The following PRF1 variants were observed in gnomAD, a reference collection of about 807,000 sequenced individuals.
The protein encoded by PRF1 is perforin 1.
A neutral mutation model predicts 11.7 loss-of-function variants in PRF1; 11 were observed. The ratio of observed to expected loss-of-function variants is 0.94; its 90% confidence interval spans 0.59 to 1.56. The LOEUF (loss-of-function observed/expected upper bound fraction) is 1.56, where lower values mean the gene tolerates loss of function less well. Ranked by LOEUF, PRF1 falls within the 40% of genes most tolerant of loss-of-function variation. The pLI, the probability that PRF1 is intolerant of heterozygous loss-of-function variation, is 0.00. For synonymous variants in PRF1, 314 were observed against 327.8 expected, an observed-to-expected ratio of 0.96 and a Z score of 0.45; for missense variants, 729 against 751.0, an observed-to-expected ratio of 0.97 and a Z score of 0.34.
intron 1 of PRF1, among the ~76,000 whole-genome samples, chr10:70,602,429 A>G (rs879323722): frequency 2.0e-5 from 3 of 152,112 alleles, no homozygotes; most frequent in Non-Finnish European, 2.9e-5. Context: ...CTTTAATGTC[A>G]GCACTTGCAG....
rs1324261340 is a variant in PRF1, at chr10:70,598,250, C to T, written c.1471G>A (p.Asp491Asn). The T allele has an allele frequency of 7.4e-6, 12 of 1,614,096 alleles. No homozygotes were observed. The highest frequency in any genetic ancestry group is 5.5e-5 in the South Asian group (5 of 91,088). ...QVWDQDSGRDDDLLGTCDQAP... is the reference protein window; with the variant it reads ...QVWDQDSGRDNDLLGTCDQAP... ...TGATCACAGGTGCCAAGGAGGTCAT[C>T]GTCCCTGCCAGAGTCCTGATCCCAG... is the stretch of plus-strand genomic sequence containing the variant. The change falls in exon 3 of 3, where the codon GAT becomes AAT. Residue 491 changes from aspartate to asparagine, a missense_variant. Physicochemically the swap from Asp to Asn is conservative, Grantham distance 23. Coordinates refer to ENST00000441259, the MANE Select transcript of PRF1 (RefSeq NM_001083116.3).
chr10:70,600,744 G>A lies in PRF1; in HGVS notation c.159C>T (p.Leu53=), dbSNP rs1243365824. Residue 53 remains leucine (L), a synonymous_variant, in exon 2 of 3, where the codon CTC becomes CTT. Transcript: ENST00000441259. The surrounding 1 kb of genome is among the most constrained non-coding windows in gnomAD (Gnocchi z 4.9). ...LAGEGVDVTS[L]RRSGSFPVDT... is the part of the protein sequence containing the mutation. ...CCACTGGGAAGGAGCCCGAGCGGCG[G>A]AGGCTGGTCACGTCCACACCCTCCC... The A allele has an allele frequency of 1.2e-6, 2 of 1,613,108 alleles. No homozygotes were observed. Among genetic ancestry groups the A allele is most frequent in the African/African-American group, 1.3e-5 (1 of 74,938 alleles).
chr10:70,602,109 C>T (rs1848240262), intron 1 of PRF1, among the ~76,000 whole-genome samples: 1 of 152,190 alleles, frequency 6.6e-6, no homozygotes, highest in Admixed American at 6.5e-5. Flanking sequence ...CAAGCCTAAC[C>T]TTATCCAAGC....
rs1848223292 is a variant in PRF1, at chr10:70,600,996, C to T, written c.-30-64G>A. ...CCCTTCCCCCACAGCCACAGATTAT[C>T]AGGGCACATGGAAGGGGAGGGGCTG... On this transcript the variant is annotated intron_variant, in intron 1 of 2. Transcript: ENST00000441259. The surrounding 1 kb of genome is among the most constrained non-coding windows in gnomAD (Gnocchi z 4.9). 1.3e-6 allele frequency: 2 copies of T among 1,527,522 alleles called. No homozygotes were observed. The highest frequency in any genetic ancestry group is 4.9e-5 in the East Asian group (2 of 40,888). 94.6% of individuals were successfully genotyped at this position (1,527,522 alleles called of 1,614,324 possible). A position where few individuals can be genotyped will look rare whatever the true frequency, so the allele number is the denominator to read the frequency against.
In PRF1 at chr10:70,598,893, G is replaced by A; in HGVS notation, c.828C>T (p.Ala276=). The A allele has an allele frequency of 6.2e-7, 1 of 1,614,248 alleles. No homozygotes were observed. ...IGIHGSISAE[A]KACEEKKKKH... Reference sequence around the variant, plus strand: ...TCTTCTTCTTCTCCTCACAGGCCTTGGCTTCGGCAGAGATGCTGCCGTGGA... The same window carrying A: ...TCTTCTTCTTCTCCTCACAGGCCTTAGCTTCGGCAGAGATGCTGCCGTGGA... Residue 276 remains alanine, a synonymous_variant, in exon 3 of 3, where the codon GCC becomes GCT. Transcript: ENST00000441259.
rs1848199297 is a variant in PRF1, at chr10:70,600,193, G to A, written c.539+171C>T. 6.6e-6 allele frequency among the ~76,000 whole-genome samples: 1 copy of A among 152,186 alleles called. No individual in the cohort carries two copies. The highest frequency in any genetic ancestry group is 2.4e-5 in the African/African-American group (1 of 41,446). ...CCCAGATTTGGGACCTCCTGGATGA[G>A]AGGAGGCCACAGGGCTGAATCACCT... On this transcript the variant is annotated intron_variant, in intron 2 of 2. Transcript: ENST00000441259. This position sits in a 1 kb window ranked among gnomAD's most constrained non-coding sequence, Gnocchi z 4.9.
At position 70,597,768 on chromosome 10, in the gene PRF1, C is replaced by T; in HGVS notation, c.*285G>A. 1.7e-6 allele frequency: 1 copy of T among 602,054 alleles called. No individual in the cohort carries two copies. The highest frequency in any genetic ancestry group is 2.9e-6 in the Non-Finnish European group (1 of 340,366). The allele number at this position is 602,054 out of a possible 1,614,324, so 37.3% of individuals were successfully genotyped here. On this transcript the variant is annotated 3_prime_UTR_variant, in exon 3 of 3. Coordinates refer to ENST00000441259, the MANE Select transcript of PRF1 (RefSeq NM_001083116.3). ...TGATGCGTATCCAATCTTTTGGCTT[C>T]TCTGGGCCACGTTGGAAGAAGAATT...
rs61414876 is a variant in PRF1 at position 70,600,131 on chromosome 10, A to G, written c.539+233T>C. On this transcript the variant is annotated intron_variant, in intron 2 of 2. Coordinates refer to ENST00000441259, the MANE Select transcript of PRF1 (RefSeq NM_001083116.3). The surrounding 1 kb of genome is among the most constrained non-coding windows in gnomAD (Gnocchi z 4.9). ...TGCTGGGACTCTCAGGCATGGTCTC[A>G]CTCACTTTCTCTCTACTTGATGTCT... Among the ~76,000 whole-genome samples, 1,812 of 152,080 alleles carry G rather than the reference A, an allele frequency of 0.012. 36 individuals are homozygous for G. The highest frequency in any genetic ancestry group is 0.04 in the African/African-American group (1,653 of 41,466).
Position 70,597,911 on chromosome 10 carries a change from G to A in PRF1, c.*142C>T. 9.6e-7 allele frequency: 1 copy of A among 1,042,448 alleles called. No individual in the cohort carries two copies. The highest frequency in any genetic ancestry group is 1.4e-6 in the Non-Finnish European group (1 of 704,768). 64.6% of individuals were successfully genotyped at this position (1,042,448 alleles called of 1,614,324 possible). On this transcript the variant is annotated 3_prime_UTR_variant, in exon 3 of 3. Transcript: ENST00000441259. Reference sequence around the variant, plus strand: ...AAGAAAGTTTGCGAATTTGCGTTGGGCCGCATTCAAAGCCATCCTGGGCCG... The same window carrying A: ...AAGAAAGTTTGCGAATTTGCGTTGGACCGCATTCAAAGCCATCCTGGGCCG...
Position 70,598,326 on chromosome 10 carries a change from C to T in PRF1, c.1395G>A (p.Leu465=). The T allele has an allele frequency of 1.2e-6, 2 of 1,614,208 alleles. No homozygotes were observed. Among genetic ancestry groups the T allele is most frequent in the East Asian group, 2.2e-5 (1 of 44,876 alleles). Residue 465 remains leucine, a synonymous_variant, in exon 3 of 3, where the codon CTG becomes CTA. Transcript: ENST00000441259. Reference sequence around the variant, plus strand: ...TGGCCAGGAGCACATCCCCAAAATCCAGCCGCACTGACCAGATGGGGTTGT... The same window carrying T: ...TGGCCAGGAGCACATCCCCAAAATCTAGCCGCACTGACCAGATGGGGTTGT... The part of the protein sequence containing the change: ...DNNNPIWSVR[L]DFGDVLLATG...
chr10:70,600,513 C>A lies in PRF1; in HGVS notation c.390G>T (p.Lys130Asn). The A allele has an allele frequency of 6.2e-7, 1 of 1,614,200 alleles. No homozygotes were observed. Among genetic ancestry groups the A allele is most frequent in the Non-Finnish European group, 8.5e-7 (1 of 1,180,044 alleles). ...DAARSIRNDWKVGLDVTPKPT... is the reference protein window; with the variant it reads ...DAARSIRNDWNVGLDVTPKPT... ...GCTTAGGAGTCACGTCCAGCCCGACCTTCCAGTCGTTGCGGATGCTACGAG... is the reference window on the plus strand; with the variant it reads ...GCTTAGGAGTCACGTCCAGCCCGACATTCCAGTCGTTGCGGATGCTACGAG... Residue 130 changes from lysine to asparagine, a missense_variant, in exon 2 of 3, where the codon AAG becomes AAT. Lys to Asn is a moderately conservative substitution (Grantham distance 94, BLOSUM62 0). Transcript: ENST00000441259. This position sits in a 1 kb window ranked among gnomAD's most constrained non-coding sequence, Gnocchi z 4.9.
rs748315806 is a variant in PRF1 at position 70,600,562 on chromosome 10, G to A, written c.341C>T (p.Thr114Ile). The A allele has an allele frequency of 3.7e-6, 6 of 1,614,068 alleles. No individual in the cohort carries two copies. The highest frequency in any genetic ancestry group is 4.2e-6 in the Non-Finnish European group (5 of 1,180,048). The change falls in exon 2 of 3, where the codon ACT becomes ATT. Residue 114 changes from threonine (T) to isoleucine (I), a missense_variant. Transcript: ENST00000441259. This position sits in a 1 kb window ranked among gnomAD's most constrained non-coding sequence, Gnocchi z 4.9. ...AGCCGCATCCCGGGCCACAGCTTCA[G>A]TGGAGCTGACTTTGGCCCTGGTTAC... ...RHVTRAKVSS[T>I]EAVARDAARS...
In PRF1 at chr10:70,599,064, G is replaced by T. The variant is rs752608972; in HGVS notation, c.657C>A (p.Tyr219Ter). The T allele has an allele frequency of 5.6e-6, 9 of 1,613,406 alleles. No homozygotes were observed. Among genetic ancestry groups the T allele is most frequent in the Non-Finnish European group, 7.6e-6 (9 of 1,179,564 alleles). ...CCACAGCCCGGATGAAGTGGGTGCC[G>T]TAGTTGGAGATAAGCCTGAGGTAGG... ...QPAYLRLISN[Y>*]GTHFIRAVEL... Residue 219 changes from tyrosine (Y) to a stop codon, truncating the protein, a stop_gained, in exon 3 of 3, where the codon TAC (tyrosine) becomes TAA (stop). Transcript: ENST00000441259. LOFTEE classifies it low-confidence loss of function (END_TRUNC).
chr10:70,601,002 A>G, intron 1 of PRF1, 70 bp from the exon 2 acceptor site: 2 of 1,521,290 alleles, frequency 1.3e-6, no homozygotes, highest in South Asian at 1.2e-5. Flanking sequence ...TTATCAGGGC[A>G]CATGGAAGGG....
rs776338709 is a variant in PRF1 at position 70,598,679 on chromosome 10, C to T, written c.1042G>A (p.Val348Met). The T allele has an allele frequency of 2.2e-5, 35 of 1,613,934 alleles. No homozygotes were observed. Among genetic ancestry groups the T allele is most frequent in the East Asian group, 4.5e-5 (2 of 44,886 alleles). The change falls in exon 3 of 3, where the codon GTG becomes ATG. Residue 348 changes from valine (V) to methionine (M), a missense_variant. Transcript: ENST00000441259. ...CGCGGGTCCTGGCTGTCCAGCAGCA[C>T]GTGCAGGGGTTCCAGGGTGTAGTCC... ...LVDYTLEPLH[V>M]LLDSQDPRRE...
Position 70,600,302 on chromosome 10 carries a change from C to T in PRF1, c.539+62G>A. On this transcript the variant is annotated intron_variant, in intron 2 of 2. Coordinates refer to ENST00000441259, the MANE Select transcript of PRF1 (RefSeq NM_001083116.3). The surrounding 1 kb of genome is among the most constrained non-coding windows in gnomAD (Gnocchi z 4.9). ...TGGAGGACTCTGCCTTTCCAGGGCT[C>T]CTAGACCACCCAGAGTTTCCCGCGC... 1 of 1,601,834 alleles carries T rather than the reference C, an allele frequency of 6.2e-7. No individual in the cohort carries two copies. The highest frequency in any genetic ancestry group is 8.5e-7 in the Non-Finnish European group (1 of 1,175,928).
In PRF1 at chr10:70,598,965, G is replaced by A. The variant is rs150053969; in HGVS notation, c.756C>T (p.Asn252=). 2.7e-5 allele frequency: 44 copies of A among 1,614,120 alleles called. No homozygotes were observed. The highest frequency in any genetic ancestry group is 6.7e-5 in the African/African-American group (5 of 74,950). The part of the protein sequence containing the change: ...CELALEGLTD[N]EVEDCLTVEA... ...CGACAGTCAGGCAGTCCTCCACCTC[G>A]TTGTCCGTGAGCCCTTCCAGGGCCA... The change falls in exon 3 of 3, where the codon AAC becomes AAT. Residue 252 remains asparagine (N), a synonymous_variant. Transcript: ENST00000441259.
At position 70,600,388 on chromosome 10, in the gene PRF1, T is replaced by C; in HGVS notation, c.515A>G (p.Asp172Gly). 6.2e-7 allele frequency: 1 copy of C among 1,614,146 alleles called. No individual in the cohort carries two copies. The highest frequency in any genetic ancestry group is 8.5e-7 in the Non-Finnish European group (1 of 1,180,026). The change falls in exon 2 of 3, where the codon GAC becomes GGC. Residue 172 changes from aspartate to glycine, a missense_variant. Asp to Gly is a moderately conservative substitution (Grantham distance 94). Coordinates refer to ENST00000441259, the MANE Select transcript of PRF1 (RefSeq NM_001083116.3). This position sits in a 1 kb window ranked among gnomAD's most constrained non-coding sequence, Gnocchi z 4.9. ...CCTGTAGAAGCGGCACTCCACCGTG[T>C]CAGTGCTGAAGCTGTACTGGTCCTG... ...THQDQYSFST[D>G]TVECRFYSFH...
rs1848170506 is a variant in PRF1, at chr10:70,598,696, G to A, written c.1025C>T (p.Thr342Ile). The change falls in exon 3 of 3, where the codon ACC (threonine) becomes ATC (isoleucine). Residue 342 changes from threonine to isoleucine, a missense_variant. Thr to Ile is a moderately conservative substitution (Grantham distance 89). Coordinates refer to ENST00000441259, the MANE Select transcript of PRF1 (RefSeq NM_001083116.3). ...CAGCAGCACGTGCAGGGGTTCCAGG[G>A]TGTAGTCCACCAGGCCAGGGCTGCC... ...LPGSPGLVDY[T>I]LEPLHVLLDS... 1.2e-6 allele frequency: 2 copies of A among 1,614,026 alleles called. No homozygotes were observed. Among genetic ancestry groups the A allele is most frequent in the African/African-American group, 1.3e-5 (1 of 74,946 alleles).
Sources: allele counts gnomAD v4.1 joint callset (sites outside exome capture counted in the v4.1 genomes callset), GRCh38; gene constraint gnomAD v4.1.1; non-coding constraint Gnocchi (gnomAD v3.1); transcripts MANE v1.5; gene names NCBI Gene and HGNC (gene_info 2026-07-23, HGNC 2026-07-21).